The following CC2D2B variants were observed in gnomAD, a reference collection of about 807,000 sequenced individuals.
The protein encoded by CC2D2B is coiled-coil and C2 domain containing 2B, also known as protein CC2D2B.
Under a neutral mutation model 161.2 loss-of-function variants are expected in CC2D2B, and 128 were observed. The observed-to-expected ratio is 0.79, with a 90% confidence interval of 0.69 to 0.92. The LOEUF (loss-of-function observed/expected upper bound fraction) is 0.92. CC2D2B is among the 40% of genes least tolerant of loss of function. The probability of loss-of-function intolerance (pLI) is 0.00; values close to 1 mark genes in which losing one functional copy is unlikely to be tolerated. For synonymous variants in CC2D2B, 391 were observed against 449.8 expected (o/e 0.87, Z 1.65); for missense variants, 1,173 against 1,375.1 (o/e 0.85, Z 2.32).
At chr10:96,015,429 C>G (rs1051238686) in intron 29 of CC2D2B, among the ~76,000 whole-genome samples, 6 of 151,132 alleles carry the variant, frequency 4.0e-5, no homozygotes, top group Non-Finnish European at 8.8e-5. Context: ...TTGTTGCCAT[C>G]TGAGCATTTG....
chr10:95,943,919 A>G (rs2076107058), intron 9 of CC2D2B, among the ~76,000 whole-genome samples: 1 of 152,180 alleles, frequency 6.6e-6, no homozygotes, highest in Non-Finnish European at 1.5e-5. Context: ...TCTTCATCCA[A>G]CCAGGGACTT....
chr10:95,998,709 G>A (rs2078333794), intron 24 of CC2D2B, among the ~76,000 whole-genome samples: 1 of 152,112 alleles, frequency 6.6e-6, no homozygotes, highest in Non-Finnish European at 1.5e-5. Flanking sequence ...TCTTCCACAG[G>A]GGAGGTCAGT....
chr10:95,960,477 G>A (rs2076723366), intron 11 of CC2D2B, among the ~76,000 whole-genome samples: 1 of 152,026 alleles, frequency 6.6e-6, no homozygotes, highest in African/African-American at 2.4e-5. Flanking sequence ...AAGCAAGGCT[G>A]TACTGAGGAA....
chr10:96,016,371 T>A, intron 30 of CC2D2B, 57 bp downstream of exon 30: 1 of 1,217,188 alleles, frequency 8.2e-7, no homozygotes, highest in Non-Finnish European at 1.2e-6. Flanking sequence ...AGATTTCAGC[T>A]GCAAGTTTAG....
chr10:95,960,689 C>T (rs1204082975), intron 11 of CC2D2B, among the ~76,000 whole-genome samples: 1 of 151,946 alleles, frequency 6.6e-6, no homozygotes, highest in Non-Finnish European at 1.5e-5. Flanking sequence ...GTTTTTGTAA[C>T]TTTTGTAGAG....
intron 2 of CC2D2B, among the ~76,000 whole-genome samples, chr10:95,915,297 A>G (rs1169063266): frequency 1.3e-5 from 2 of 150,392 alleles, no homozygotes; most frequent in Admixed American, 1.3e-4. Flanking sequence ...CATCATTTCT[A>G]ATTTTTTTTT....
chr10:95,973,656 C>T (rs1460528466), intron 16 of CC2D2B, among the ~76,000 whole-genome samples: 3 of 151,802 alleles, frequency 2.0e-5, no homozygotes, highest in African/African-American at 4.8e-5. Flanking sequence ...GTCAGGAGTT[C>T]GAGACCAGCC....
intron 34 of CC2D2B, among the ~76,000 whole-genome samples, chr10:96,028,936 C>T (rs2079902192): frequency 6.6e-6 from 1 of 151,808 alleles, no homozygotes; most frequent in African/African-American, 2.4e-5. Flanking sequence ...AACAATCAAA[C>T]TCATGGAGAT....
chr10:95,958,369 G>C (rs2076650924), intron 11 of CC2D2B, among the ~76,000 whole-genome samples: 1 of 152,130 alleles, frequency 6.6e-6, no homozygotes, highest in South Asian at 2.1e-4. Context: ...GTGTGCACCT[G>C]TAGTCCCAGC....
Position 96,033,530 on chromosome 10 carries a change from G to A in CC2D2B, c.*1522G>A, listed in dbSNP as rs576243732. Among the ~76,000 whole-genome samples, 6 of 152,206 alleles carry A rather than the reference G, an allele frequency of 3.9e-5. No homozygotes were observed. Among genetic ancestry groups the A allele is most frequent in the African/African-American group, 1.4e-4 (6 of 41,458 alleles). On this transcript the variant is annotated 3_prime_UTR_variant, in exon 35 of 35. Transcript: ENST00000646931. ...CACAAAATGATGCTGATGGAAAGAT[G>A]AGGATGCCAAAGACAGACTGAATTC... is the stretch of plus-strand genomic sequence containing the variant.
intron 28 of CC2D2B, among the ~76,000 whole-genome samples, chr10:96,013,234 G>GTCT (rs1211325069): frequency 5.9e-5 from 9 of 152,082 alleles, no homozygotes; most frequent in African/African-American, 2.2e-4. Flanking sequence ...CTGAGTCTTT[G>GTCT]TCTCCAGCAC....
intron 34 of CC2D2B, among the ~76,000 whole-genome samples, chr10:96,027,821 G>A (rs940638370): frequency 1.1e-4 from 17 of 151,982 alleles, no homozygotes; most frequent in Admixed American, 7.2e-4. Context: ...TAGAGAACCC[G>A]GAAACAAATC....
chr10:96,004,489 A>C (rs1405511949), intron 25 of CC2D2B, among the ~76,000 whole-genome samples: 1 of 152,230 alleles, frequency 6.6e-6, no homozygotes, highest in East Asian at 1.9e-4. Context: ...ACTTGGGAGA[A>C]GTAGGTTTCT....
intron 2 of CC2D2B, among the ~76,000 whole-genome samples, chr10:95,913,624 A>G (rs1178816541): frequency 6.6e-6 from 1 of 152,158 alleles, no homozygotes; most frequent in East Asian, 1.9e-4. Flanking sequence ...TTTTGCCAGC[A>G]TTCATTATTG....
chr10:96,005,733 T>C (rs976815881), intron 25 of CC2D2B, among the ~76,000 whole-genome samples: 1 of 152,158 alleles, frequency 6.6e-6, no homozygotes, highest in Admixed American at 6.5e-5. Context: ...ATGAAAGAAA[T>C]GGACTGAACT....
At chr10:95,976,654 C>T (rs909149312) in intron 17 of CC2D2B, among the ~76,000 whole-genome samples, 2 of 152,204 alleles carry the variant, frequency 1.3e-5, no homozygotes, top group Non-Finnish European at 2.9e-5. Flanking sequence ...AACTGAAAGG[C>T]AGTTTTGTTA....
rs1407868451 is a variant in CC2D2B, at chr10:96,033,056, A to G, written c.*1048A>G. On this transcript the variant is annotated 3_prime_UTR_variant, in exon 35 of 35. Transcript: ENST00000646931. Reference sequence around the variant, plus strand: ...TTACATATGACAAAATAACTTATCAAAAAGAAATAATCAAGGAGTATGGAT... The same window carrying G: ...TTACATATGACAAAATAACTTATCAGAAAGAAATAATCAAGGAGTATGGAT... 6.6e-6 allele frequency among the ~76,000 whole-genome samples: 1 copy of G among 152,200 alleles called. No individual in the cohort carries two copies. Among genetic ancestry groups the G allele is most frequent in the Non-Finnish European group, 1.5e-5 (1 of 68,030 alleles).
At chr10:95,921,840 T>C (rs1231774502) in intron 2 of CC2D2B, among the ~76,000 whole-genome samples, 176 bp from the exon 3 acceptor site, 1 of 152,082 alleles carries the variant, frequency 6.6e-6, no homozygotes, top group East Asian at 1.9e-4. Flanking sequence ...GAGATATACC[T>C]AATGTAAATG....
At chr10:95,993,893 A>C (rs1453838564) in intron 22 of CC2D2B, among the ~76,000 whole-genome samples, 1 of 113,418 alleles carries the variant, frequency 8.8e-6, no homozygotes, top group African/African-American at 3.2e-5. Context: ...ATATATAGAG[A>C]GAGAGAATGT....
Sources: allele counts gnomAD v4.1 joint callset (sites outside exome capture counted in the v4.1 genomes callset), GRCh38; gene constraint gnomAD v4.1.1; transcripts MANE v1.5; gene names NCBI Gene and HGNC (gene_info 2026-07-23, HGNC 2026-07-21).